The following NTM variants were observed in gnomAD, a reference collection of about 807,000 sequenced individuals.
NTM encodes the protein IgLON family member 2.
Under a neutral mutation model 42.1 loss-of-function variants are expected in NTM, and 13 were observed. The ratio of observed to expected loss-of-function variants is 0.31; its 90% CI spans 0.20 to 0.49. The LOEUF (loss-of-function observed/expected upper bound fraction) is 0.49. Among genes scored for constraint, NTM ranks in the 20% least tolerant of loss-of-function variants. The pLI, the probability that NTM is intolerant of heterozygous loss-of-function variation, is 0.99. For missense variants in NTM, 373 were observed against 452.8 expected (o/e 0.82, Z 1.60); for synonymous variants, 187 against 179.2 (o/e 1.04, Z -0.35).
At chr11:132,176,199 GA>G (rs2076784470) in intron 3 of NTM, among the ~76,000 whole-genome samples, 1 of 152,114 alleles carries the variant, frequency 6.6e-6, no homozygotes, top group African/African-American at 2.4e-5. Context: ...CTGTCCTTTG[GA>G]AATACACACA....
At chr11:131,976,936 A>G (rs957834098) in intron 2 of NTM, among the ~76,000 whole-genome samples, 1 of 152,190 alleles carries the variant, frequency 6.6e-6, no homozygotes, top group African/African-American at 2.4e-5. Context: ...AGAATGAAAA[A>G]TATCGGTGTG....
intron 4 of NTM, among the ~76,000 whole-genome samples, chr11:132,244,221 G>T (rs1305286373): frequency 6.6e-6 from 1 of 152,202 alleles, no homozygotes; most frequent in Non-Finnish European, 1.5e-5. Context: ...CCATCCCCAG[G>T]CTCTAGCCCT....
At chr11:132,284,106 G>T (rs759496731) in intron 4 of NTM, among the ~76,000 whole-genome samples, 1 of 152,170 alleles carries the variant, frequency 6.6e-6, no homozygotes, top group Non-Finnish European at 1.5e-5. Context: ...ATTTTGTGGG[G>T]ATTAAAATGA....
intron 2 of NTM, among the ~76,000 whole-genome samples, chr11:131,932,411 G>A (rs1294784738): frequency 6.6e-6 from 1 of 152,036 alleles, no homozygotes; most frequent in African/African-American, 2.4e-5. Context: ...TCAGGAAAAA[G>A]GTAAAGACCA....
At chr11:132,289,249 T>C (rs1487422053) in intron 4 of NTM, among the ~76,000 whole-genome samples, 1 of 152,172 alleles carries the variant, frequency 6.6e-6, no homozygotes, top group African/African-American at 2.4e-5. Context: ...TTTTTGATTA[T>C]ATAGTGCACA....
At chr11:131,534,322 C>T (rs1328528597) in intron 1 of NTM, 1 of 152,210 alleles carries the variant, frequency 6.6e-6, no homozygotes, top group Non-Finnish European at 1.5e-5. Flanking sequence ...TCCTGATGCT[C>T]ATGGATATGA....
chr11:131,607,987 T>C (rs1340534323), intron 1 of NTM, among the ~76,000 whole-genome samples: 2 of 152,124 alleles, frequency 1.3e-5, no homozygotes, highest in Admixed American at 6.6e-5. Context: ...GTGTGCCATG[T>C]TGGTGTGCTG....
chr11:132,100,756 G>A (rs557486145), intron 2 of NTM, among the ~76,000 whole-genome samples: 1 of 152,182 alleles, frequency 6.6e-6, no homozygotes, highest in South Asian at 2.1e-4. Flanking sequence ...CCACCCCCAC[G>A]CATACATATA....
chr11:131,491,933 C>T (rs11222670), intron 1 of NTM, among the ~76,000 whole-genome samples: 8,018 of 152,192 alleles, frequency 0.053, 527 homozygotes, highest in East Asian at 0.18. Flanking sequence ...ATTTTGTATT[C>T]GGCACTAGCT....
chr11:132,107,487 A>C (rs1236227062), intron 2 of NTM, among the ~76,000 whole-genome samples: 1 of 151,250 alleles, frequency 6.6e-6, no homozygotes, highest in African/African-American at 2.4e-5. Flanking sequence ...AGTAGCTAGA[A>C]GTAGAGGTGC....
At chr11:131,755,271 T>G (rs1443855505) in intron 1 of NTM, among the ~76,000 whole-genome samples, 1 of 152,160 alleles carries the variant, frequency 6.6e-6, no homozygotes, top group Non-Finnish European at 1.5e-5. Context: ...ATACTGAATA[T>G]TTATATATGA....
intron 1 of NTM, among the ~76,000 whole-genome samples, chr11:131,411,366 G>A (rs747316675): frequency 3.9e-5 from 6 of 152,044 alleles, no homozygotes; most frequent in Admixed American, 1.3e-4. Context: ...CTGAGCACAC[G>A]TCTAAGCTAA....
chr11:131,636,598 G>T (rs114526755), intron 1 of NTM, among the ~76,000 whole-genome samples: 1 of 152,172 alleles, frequency 6.6e-6, no homozygotes, highest in Admixed American at 6.5e-5. Flanking sequence ...CTTTTGAAAC[G>T]TGTGCTTGCA....
intron 1 of NTM, among the ~76,000 whole-genome samples, chr11:131,691,012 C>T (rs149594370): frequency 6.6e-4 from 101 of 152,240 alleles, no homozygotes; most frequent in African/African-American, 2.3e-3. Context: ...TTTGATCACT[C>T]AGCGGGGCCT....
intron 1 of NTM, among the ~76,000 whole-genome samples, chr11:131,876,699 G>C (rs533058962): frequency 2.0e-5 from 3 of 152,156 alleles, no homozygotes; most frequent in Non-Finnish European, 4.4e-5. Flanking sequence ...AGCTGAGAGA[G>C]GCCAGGTTAT....
chr11:131,817,908 T>A (rs1216105737), intron 1 of NTM, among the ~76,000 whole-genome samples: 1 of 152,254 alleles, frequency 6.6e-6, no homozygotes, highest in Non-Finnish European at 1.5e-5. Flanking sequence ...CAGCTCCTGT[T>A]CCTGGGTTTG....
intron 2 of NTM, among the ~76,000 whole-genome samples, chr11:132,134,921 A>T (rs2067595373): frequency 6.6e-6 from 1 of 151,444 alleles, no homozygotes; most frequent in Admixed American, 6.6e-5. Flanking sequence ...TAGTGAGTAG[A>T]TCTACTTTTA....
At chr11:132,081,428 C>A (rs1005969420) in intron 2 of NTM, among the ~76,000 whole-genome samples, 3 of 152,082 alleles carry the variant, frequency 2.0e-5, no homozygotes, top group African/African-American at 7.2e-5. Flanking sequence ...ATGGACAATA[C>A]ATCTTCAAAA....
intron 1 of NTM, among the ~76,000 whole-genome samples, chr11:131,657,774 C>T (rs943352699): frequency 2.0e-5 from 3 of 152,204 alleles, no homozygotes; most frequent in Admixed American, 6.5e-5. Flanking sequence ...CTGGAAACCT[C>T]GAGCTTTCTT....
Sources: allele counts gnomAD v4.1 joint callset (sites outside exome capture counted in the v4.1 genomes callset), GRCh38; gene constraint gnomAD v4.1.1; transcripts MANE v1.5; gene names NCBI Gene and HGNC (gene_info 2026-07-23, HGNC 2026-07-21).